Variants in RSRP1 observed in about 807,000 individuals in gnomAD.
The protein encoded by RSRP1 is arginine and serine rich protein 1.
A neutral mutation model predicts 33.0 loss-of-function variants in RSRP1; 37 were observed. The ratio of observed to expected loss-of-function variants is 1.12; its 90% CI spans 0.86 to 1.48. The LOEUF is 1.48. Ranked by LOEUF, RSRP1 falls within the 40% of genes most tolerant of loss-of-function variation. The pLI is 0.00. For missense variants in RSRP1, 402 were observed against 385.3 expected (o/e 1.04, Z -0.36); for synonymous variants, 167 against 158.7 (o/e 1.05, Z -0.40).
At position 25,291,927 on chromosome 1, in the gene RSRP1, T is replaced by C. The variant is rs921825333; in HGVS notation, c.-66-44898A>G. On this transcript the variant is annotated intron_variant, in intron 1 of 1. Coordinates refer to the RSRP1 transcript ENST00000561867. ...GGGGAAGGGACTGCCCAAGATCACA[T>C]AGCAAGATAGTGGCAGAACCCAAGC... is the stretch of plus-strand genomic sequence containing the variant. Among the ~76,000 whole-genome samples the C allele has an allele frequency of 1.5e-5, 2 of 132,260 alleles. 1 individual carries two copies. The allele number at this position is 132,260 out of a possible 152,430, so 86.8% of individuals were successfully genotyped here.
In RSRP1 at chr1:25,297,713, A is replaced by T. The variant is rs1282298884; in HGVS notation, c.-67+40265T>A. Among the ~76,000 whole-genome samples the T allele has an allele frequency of 2.3e-5, 3 of 132,032 alleles. 1 individual carries two copies. 86.6% of individuals were successfully genotyped at this position (132,032 alleles called of 152,430 possible). The stretch of plus-strand genomic sequence containing the variant: ...CATTTTCTGCCTTTTCTCTCTGCTT[A>T]ATATAAGGATTAATGAGAACTCCCT... On this transcript the variant is annotated intron_variant, in intron 1 of 1. Transcript: ENST00000561867.
At chr1:25,287,779 T>TGGCACAATCATAGCTCATTGCAGC (rs1457601536) in intron 1 of RSRP1, among the ~76,000 whole-genome samples, 1 of 135,240 alleles carries the variant, frequency 7.4e-6, no homozygotes, top group Non-Finnish European at 1.8e-5. Flanking sequence ...TGGAGTGCAG[T>TGGCACAATCATAGCTCATTGCAGC]GGTACAATCA....
intron 1 of RSRP1, among the ~76,000 whole-genome samples, chr1:25,261,096 G>A (rs187766682): frequency 4.5e-4 from 68 of 151,778 alleles, no homozygotes; most frequent in African/African-American, 1.5e-3. Context: ...CACCGCACCC[G>A]GCCTCTTTCT....
chr1:25,334,113 C>A (rs1645049417), intron 1 of RSRP1, among the ~76,000 whole-genome samples: 1 of 131,326 alleles, frequency 7.6e-6, no homozygotes. Flanking sequence ...TCATCTGAGA[C>A]AAGGCAAGTC....
intron 1 of RSRP1, among the ~76,000 whole-genome samples, chr1:25,264,228 G>T (rs1640250284): frequency 6.6e-6 from 1 of 152,030 alleles, no homozygotes; most frequent in Admixed American, 6.5e-5. Flanking sequence ...TAGGGACTGT[G>T]TGTGGGGTCT....
chr1:25,246,975 G>A lies in RSRP1; in HGVS notation c.-12C>T. The A allele has an allele frequency of 6.5e-7, 1 of 1,546,512 alleles. No individual in the cohort carries two copies. The highest frequency in any genetic ancestry group is 8.7e-7 in the Non-Finnish European group (1 of 1,144,284). ...ACGTAGTTGGACATCTTCACCTGCGGCTTTAGCCTGCGCTTTCTCCGGAAA... is the reference window on the plus strand; with the variant it reads ...ACGTAGTTGGACATCTTCACCTGCGACTTTAGCCTGCGCTTTCTCCGGAAA... On this transcript the variant is annotated 5_prime_UTR_variant, in exon 2 of 5. Transcript: ENST00000243189.
At chr1:25,292,661 G>A (rs1642615819) in intron 1 of RSRP1, among the ~76,000 whole-genome samples, 1 of 129,012 alleles carries the variant, frequency 7.8e-6, no homozygotes. Context: ...GGGAGGGGGG[G>A]TAGAGATGTG....
At chr1:25,333,007 A>C (rs1645037324) in intron 1 of RSRP1, among the ~76,000 whole-genome samples, 1 of 131,848 alleles carries the variant, frequency 7.6e-6, no homozygotes, top group Admixed American at 7.4e-5. Flanking sequence ...CAAAGGCCTT[A>C]GAACCCCAGC....
Position 25,269,793 on chromosome 1 carries a change from G to C in RSRP1, c.-66-22764C>G, listed in dbSNP as rs945924000. Among the ~76,000 whole-genome samples, 3 of 131,846 alleles carry C rather than the reference G, an allele frequency of 2.3e-5. 1 individual carries two copies. Among genetic ancestry groups the C allele is most frequent in the Admixed American group, 2.2e-4 (3 of 13,686 alleles). The allele number at this position is 131,846 out of a possible 152,430, so 86.5% of individuals were successfully genotyped here. On this transcript the variant is annotated intron_variant, in intron 1 of 1. Coordinates refer to the RSRP1 transcript ENST00000561867. ...TCCCTTTTTTAATGAAAGCATTTCT[G>C]TTCTGCGAGGAGCGGGATCCTCTTG... is the stretch of plus-strand genomic sequence containing the variant.
In RSRP1 at chr1:25,281,741, T is replaced by A. The variant is rs1438954284; in HGVS notation, c.-66-34712A>T. 3.1e-5 allele frequency among the ~76,000 whole-genome samples: 4 copies of A among 131,054 alleles called. 2 individuals carry two copies. Among genetic ancestry groups the A allele is most frequent in the African/African-American group, 1.0e-4 (4 of 38,342 alleles). The allele number at this position is 131,054 out of a possible 152,430, so 86.0% of individuals were successfully genotyped here. ...GTCAGAAGAAGTGCAAAGAGTTGAATCCTTCCTAATGCCCACTTCTCACCC... is the reference window on the plus strand; with the variant it reads ...GTCAGAAGAAGTGCAAAGAGTTGAAACCTTCCTAATGCCCACTTCTCACCC... On this transcript the variant is annotated intron_variant, in intron 1 of 1. Coordinates refer to the RSRP1 transcript ENST00000561867.
rs186367469 is a variant in RSRP1, at chr1:25,321,580, T to G, written c.-67+16398A>C. Among the ~76,000 whole-genome samples, 650 of 122,920 alleles carry G rather than the reference T, an allele frequency of 5.3e-3. 87 individuals are homozygous for G. The highest frequency in any genetic ancestry group is 0.015 in the African/African-American group (539 of 36,682). The allele number at this position is 122,920 out of a possible 152,430, so 80.6% of individuals were successfully genotyped here. On this transcript the variant is annotated intron_variant, in intron 1 of 1. Coordinates refer to the RSRP1 transcript ENST00000561867. ...AGCTACTTGGGAGGCTGAGGCAGGA[T>G]AATCGCTTGAACCTGGGAGGCAGAG...
intron 1 of RSRP1, among the ~76,000 whole-genome samples, chr1:25,320,261 C>T (rs1171688346): frequency 1.5e-5 from 2 of 132,102 alleles, no homozygotes; most frequent in African/African-American, 5.2e-5. Flanking sequence ...ATTAGAACAA[C>T]AACCCTCCAC....
chr1:25,250,135 T>G (rs28665523), upstream of RSRP1, among the ~76,000 whole-genome samples: 502 of 152,194 alleles, frequency 3.3e-3, 5 homozygotes, highest in African/African-American at 0.012. Context: ...GGCAAAAAGT[T>G]AAAAAAGTTA....
At position 25,246,637 on chromosome 1, in the gene RSRP1, C is replaced by T. The variant is rs200447440; in HGVS notation, c.327G>A (p.Ser109=). 19 of 1,613,818 alleles carry T rather than the reference C, an allele frequency of 1.2e-5. No individual in the cohort carries two copies. Among genetic ancestry groups the T allele is most frequent in the Non-Finnish European group, 4.2e-6 (5 of 1,179,974 alleles). Residue 109 remains serine (S), a synonymous_variant, in exon 2 of 5, where the codon TCG becomes TCA. Coordinates refer to ENST00000243189, the MANE Select transcript of RSRP1 (RefSeq NM_020317.5). ...TGCTACGGGACCGGGACCGGTACCG[C>T]GAAGGAGACCGGTAGTATCTCCTGG... ...GFTRRYYRSP[S]RYRSRSRSRS... is the part of the protein sequence containing the mutation.
In RSRP1 at chr1:25,311,482, G is replaced by C. The variant is rs1263453644; in HGVS notation, c.-67+26496C>G. 7.7e-5 allele frequency among the ~76,000 whole-genome samples: 10 copies of C among 129,654 alleles called. 3 individuals are homozygous for C. Among genetic ancestry groups the C allele is most frequent in the African/African-American group, 2.6e-4 (10 of 38,036 alleles). 85.1% of individuals were successfully genotyped at this position (129,654 alleles called of 152,430 possible). A position where few individuals can be genotyped will look rare whatever the true frequency, so the allele number is the denominator to read the frequency against. On this transcript the variant is annotated intron_variant, in intron 1 of 1. Coordinates refer to the RSRP1 transcript ENST00000561867. Reference sequence around the variant, plus strand: ...AGAGCTTGCAGTGAGCCAAGATCGCGCCACTGCACTCCAGCCTGGGCGACA... The same window carrying C: ...AGAGCTTGCAGTGAGCCAAGATCGCCCCACTGCACTCCAGCCTGGGCGACA...
chr1:25,325,053 A>AG (rs1262504982), intron 1 of RSRP1, among the ~76,000 whole-genome samples: 103 of 50,674 alleles, frequency 2.0e-3, no homozygotes, highest in African/African-American at 8.8e-3. Context: ...GTCTCAAAAG[A>AG]GAAAAAAAAA....
chr1:25,320,752 G>A lies in RSRP1; in HGVS notation c.-67+17226C>T, dbSNP rs1366573483. 1.5e-5 allele frequency among the ~76,000 whole-genome samples: 2 copies of A among 132,026 alleles called. 1 individual carries two copies. Among genetic ancestry groups the A allele is most frequent in the Non-Finnish European group, 3.6e-5 (2 of 55,720 alleles). The allele number at this position is 132,026 out of a possible 152,430, so 86.6% of individuals were successfully genotyped here. A position where few individuals can be genotyped will look rare whatever the true frequency, so the allele number is the denominator to read the frequency against. ...AGCTATCTGGGCAGAGAGTAGACAG[G>A]GAATGGAGGTTGGGCACAGTGGCTC... On this transcript the variant is annotated intron_variant, in intron 1 of 1. Transcript: ENST00000561867.
rs1430215704 is a variant in RSRP1, at chr1:25,267,694, T to G, written c.-66-20665A>C. ...CGGCACGCTTCCTGCCACCCACCCC[T>G]GAGAGGGCTGCGCGGCCGACCCCAG... On this transcript the variant is annotated intron_variant, in intron 1 of 1. Transcript: ENST00000561867. The G allele has an allele frequency of 1.4e-4, 18 of 132,112 alleles. 3 individuals are homozygous for G. The highest frequency in any genetic ancestry group is 4.7e-4 in the African/African-American group (18 of 38,612). The allele number at this position is 132,112 out of a possible 1,614,324, so 8.2% of individuals were successfully genotyped here.
At chr1:25,280,956 T>C (rs1269978125) in intron 1 of RSRP1, among the ~76,000 whole-genome samples, 2 of 131,586 alleles carry the variant, frequency 1.5e-5, no homozygotes, top group South Asian at 2.3e-4. Context: ...AACTCTGCCC[T>C]TATCCAGGCA....
Sources: allele counts gnomAD v4.1 joint callset (sites outside exome capture counted in the v4.1 genomes callset), GRCh38; gene constraint gnomAD v4.1.1; transcripts MANE v1.5; gene names NCBI Gene and HGNC (gene_info 2026-07-23, HGNC 2026-07-21).